The following DNTTIP1 variants were observed in gnomAD, a reference collection of about 807,000 sequenced individuals.
DNTTIP1 encodes the protein deoxynucleotidyltransferase terminal-interacting protein 1.
Under a neutral mutation model 52.9 loss-of-function variants are expected in DNTTIP1, and 22 were observed. The observed-to-expected ratio is 0.42, with a 90% CI of 0.30 to 0.59. The LOEUF (loss-of-function observed/expected upper bound fraction) is 0.59, where lower values mean the gene tolerates loss of function less well. DNTTIP1 is among the 20% of genes least tolerant of loss of function. The pLI is 0.22. For missense variants in DNTTIP1, 286 were observed against 435.5 expected, an observed-to-expected ratio of 0.66 and a Z score of 3.06; for synonymous variants, 136 against 155.1, an observed-to-expected ratio of 0.88 and a Z score of 0.92.
At chr20:45,801,480 T>C (rs1443406688) in intron 6 of DNTTIP1, 22 bp downstream of exon 6, 4 of 1,613,906 alleles carry the variant, frequency 2.5e-6, no homozygotes, top group Non-Finnish European at 3.4e-6. Context: ...CCTTGTTTTG[T>C]TTTCTGGCTG....
At chr20:45,797,665 G>A (rs1248468067) in intron 4 of DNTTIP1, among the ~76,000 whole-genome samples, 4 of 152,140 alleles carry the variant, frequency 2.6e-5, no homozygotes, top group Non-Finnish European at 2.9e-5. Context: ...TCAACAAGTG[G>A]CCAAAGGACA....
At chr20:45,792,989 AAG>A (rs1215193979) in intron 2 of DNTTIP1, among the ~76,000 whole-genome samples, 1 of 152,244 alleles carries the variant, frequency 6.6e-6, no homozygotes. Flanking sequence ...AACAATACCT[AAG>A]ATCCCTCACA....
At chr20:45,810,745 T>C (rs1981805197) in intron 11 of DNTTIP1, 140 bp from the exon 12 acceptor site, 15 of 703,536 alleles carry the variant, frequency 2.1e-5, no homozygotes, top group Non-Finnish European at 1.2e-5. Context: ...CCCCACTTAC[T>C]CTTCCGTACT....
chr20:45,810,827 T>TA, intron 11 of DNTTIP1, 58 bp from the exon 12 acceptor site: 1 of 1,504,130 alleles, frequency 6.6e-7, no homozygotes, highest in Non-Finnish European at 9.2e-7. Context: ...AATGAAGTGT[T>TA]ACTGAGTTGG....
chr20:45,793,478 T>C (rs2145696161), intron 2 of DNTTIP1, among the ~76,000 whole-genome samples: 1 of 152,288 alleles, frequency 6.6e-6, no homozygotes, highest in Middle Eastern at 3.4e-3. Flanking sequence ...GGCGGGCAGA[T>C]CACCTGAGGT....
intron 4 of DNTTIP1, among the ~76,000 whole-genome samples, chr20:45,800,686 AAAAAAAAAATATATATATATAT>A (rs1981402110): frequency 1.6e-4 from 9 of 57,632 alleles, no homozygotes; most frequent in African/African-American, 8.3e-4. Flanking sequence ...ATTTAAAAAA[AAAAAAAAAATATATATATATAT>A]ATATATATAT....
Position 45,794,029 on chromosome 20 carries a change from A to G in DNTTIP1, c.273+12A>G. Reference sequence around the variant, plus strand: ...ACAAGTACATGAAGGTGAGAGGGACACAGGATAAAAAATAACAGGAGAAAG... The same window carrying G: ...ACAAGTACATGAAGGTGAGAGGGACGCAGGATAAAAAATAACAGGAGAAAG... On this transcript the variant is annotated intron_variant, in intron 3 of 12. Transcript: ENST00000372622. 1 of 1,550,346 alleles carries G rather than the reference A, an allele frequency of 6.5e-7. No individual in the cohort carries two copies. The highest frequency in any genetic ancestry group is 8.8e-7 in the Non-Finnish European group (1 of 1,138,098).
chr20:45,805,865 C>A (rs367922843), intron 10 of DNTTIP1, among the ~76,000 whole-genome samples: 1 of 152,144 alleles, frequency 6.6e-6, no homozygotes, highest in Non-Finnish European at 1.5e-5. Context: ...GGGTGGATCA[C>A]CTGAAGTTGG....
intron 10 of DNTTIP1, among the ~76,000 whole-genome samples, chr20:45,805,926 A>G (rs1055282486): frequency 8.9e-4 from 135 of 152,006 alleles, no homozygotes; most frequent in African/African-American, 3.2e-3. Context: ...TCTACTAAAA[A>G]TACAAAATTA....
Position 45,811,224 on chromosome 20 carries a change from C to G in DNTTIP1, c.*29C>G. On this transcript the variant is annotated 3_prime_UTR_variant, in exon 13 of 13. Coordinates refer to ENST00000372622, the MANE Select transcript of DNTTIP1 (RefSeq NM_052951.3). ...CGGGTCCCCTGGCCACACTTGGCAG[C>G]CCTCCTCCAAAGCCCTCTTCCTCAC... 1.9e-6 allele frequency: 3 copies of G among 1,581,892 alleles called. No homozygotes were observed. The highest frequency in any genetic ancestry group is 2.6e-6 in the Non-Finnish European group (3 of 1,165,766).
In DNTTIP1 at chr20:45,809,468, T is replaced by G. The variant is rs1981752961; in HGVS notation, c.795+283T>G. The stretch of plus-strand genomic sequence containing the variant: ...TAGCTGTCCATAGGAATAGCAGGTA[T>G]AAGACACACAGTACTACTTTTTCCC... On this transcript the variant is annotated intron_variant, in intron 11 of 12. Coordinates refer to ENST00000372622, the MANE Select transcript of DNTTIP1 (RefSeq NM_052951.3). The surrounding 1 kb of genome is among the most constrained non-coding windows in gnomAD (Gnocchi z 4.2). 6.6e-6 allele frequency among the ~76,000 whole-genome samples: 1 copy of G among 152,214 alleles called. No homozygotes were observed. Among genetic ancestry groups the G allele is most frequent in the South Asian group, 2.1e-4 (1 of 4,828 alleles).
chr20:45,795,196 A>G lies in DNTTIP1; in HGVS notation c.274-149A>G. The G allele has an allele frequency of 1.2e-5, 6 of 507,558 alleles. No individual in the cohort carries two copies. In the South Asian group the frequency reaches 1.4e-4, roughly 12 times the overall value. The allele number at this position is 507,558 out of a possible 1,614,324, so 31.4% of individuals were successfully genotyped here. A position where few individuals can be genotyped will look rare whatever the true frequency, so the allele number is the denominator to read the frequency against. Reference sequence around the variant, plus strand: ...GGAGGAGGTCAAGCCTGAAATGTGAATCTAAATCTGGCTGATCCCAAAGCC... The same window carrying G: ...GGAGGAGGTCAAGCCTGAAATGTGAGTCTAAATCTGGCTGATCCCAAAGCC... On this transcript the variant is annotated intron_variant, in intron 3 of 12. Coordinates refer to ENST00000372622, the MANE Select transcript of DNTTIP1 (RefSeq NM_052951.3).
rs1158615012 is a variant in DNTTIP1 at position 45,800,694 on chromosome 20, AATATATATATATATATAT to A, written c.373-335_373-318del. On this transcript the variant is annotated intron_variant, in intron 4 of 12. Transcript: ENST00000372622. ...CATCTCAATTTAAAAAAAAAAAAAA[AATATATATATATATATAT>A]ATATATATATATATATATATATATA... Among the ~76,000 whole-genome samples the A allele has an allele frequency of 2.1e-3, 34 of 16,408 alleles. 3 individuals carry two copies. The highest frequency in any genetic ancestry group is 6.8e-3 in the African/African-American group (30 of 4,404). The allele number at this position is 16,408 out of a possible 152,430, so 10.8% of individuals were successfully genotyped here. A position where few individuals can be genotyped will look rare whatever the true frequency, so the allele number is the denominator to read the frequency against.
At chr20:45,803,016 C>G in intron 7 of DNTTIP1, 1 of 311,944 alleles carries the variant, frequency 3.2e-6, no homozygotes, top group Non-Finnish European at 6.1e-6. Context: ...GTCTCCTACA[C>G]GAAGCAGTTT....
At position 45,794,904 on chromosome 20, in the gene DNTTIP1, G is replaced by A. The variant is rs199542132; in HGVS notation, c.274-441G>A. Among the ~76,000 whole-genome samples, 25 of 151,388 alleles carry A rather than the reference G, an allele frequency of 1.7e-4. No homozygotes were observed. In the East Asian group the frequency reaches 2.7e-3, roughly 17 times the overall value. On this transcript the variant is annotated intron_variant, in intron 3 of 12. Coordinates refer to ENST00000372622, the MANE Select transcript of DNTTIP1 (RefSeq NM_052951.3). ...AACCTCCGCCTCCTGGGTTCAAGCA[G>A]TTCTCTGCCCCAGCCTCCCAAGTAG...
rs1568707717 is a variant in DNTTIP1 at position 45,800,693 on chromosome 20, AAATATATATATATATATATATATATATAT to A, written c.373-379_373-351del. 6.9e-4 allele frequency among the ~76,000 whole-genome samples: 21 copies of A among 30,546 alleles called. 3 individuals carry two copies. The highest frequency in any genetic ancestry group is 4.5e-3 in the South Asian group (5 of 1,106). The allele number at this position is 30,546 out of a possible 152,430, so 20.0% of individuals were successfully genotyped here. A position where few individuals can be genotyped will look rare whatever the true frequency, so the allele number is the denominator to read the frequency against. On this transcript the variant is annotated intron_variant, in intron 4 of 12. Coordinates refer to ENST00000372622, the MANE Select transcript of DNTTIP1 (RefSeq NM_052951.3). ...CCATCTCAATTTAAAAAAAAAAAAA[AAATATATATATATATATATATATATATAT>A]ATATATATATATATATATATATATA...
At chr20:45,806,700 A>G (rs1981661565) in intron 10 of DNTTIP1, among the ~76,000 whole-genome samples, 1 of 152,234 alleles carries the variant, frequency 6.6e-6, no homozygotes, top group South Asian at 2.1e-4. Flanking sequence ...TGAAAGGCAT[A>G]CCTGCTCACG....
chr20:45,809,172 CAG>C lies in DNTTIP1; in HGVS notation c.783_784del (p.Gly263GlnfsTer18). 6.2e-7 allele frequency: 1 copy of C among 1,614,092 alleles called. No homozygotes were observed. Among genetic ancestry groups the C allele is most frequent in the Non-Finnish European group, 8.5e-7 (1 of 1,180,002 alleles). On this transcript the variant is annotated frameshift_variant, in exon 11 of 13. Transcript: ENST00000372622. LOFTEE classifies it high-confidence loss of function. The surrounding 1 kb of genome is among the most constrained non-coding windows in gnomAD (Gnocchi z 4.2). ...GCTGAGCAGCATCACATGCGGGCAACAGGGGGCAAGATGGTAAGCATTATTCA... is the reference window on the plus strand; with the variant it reads ...GCTGAGCAGCATCACATGCGGGCAACGGGGCAAGATGGTAAGCATTATTCA...
At chr20:45,792,477 G>A in intron 1 of DNTTIP1, 200 bp from the exon 2 acceptor site, 1 of 511,384 alleles carries the variant, frequency 2.0e-6, no homozygotes. Context: ...AGGCAGGGTC[G>A]GGACTTTTAA....
Sources: gnomAD v4.1 joint callset for allele counts (sites outside exome capture counted in the v4.1 genomes callset) on GRCh38, gnomAD v4.1.1 for gene constraint, Gnocchi (gnomAD v3.1) non-coding constraint, MANE v1.5 for transcripts, NCBI Gene and HGNC (gene_info 2026-07-23, HGNC 2026-07-21) for gene names.